RYR1: variants seen among roughly 807,000 people sequenced by gnomAD.
RYR1 encodes the protein central core disease of muscle.
Under a neutral mutation model 583.5 loss-of-function variants are expected in RYR1, and 342 were observed. That is an observed-to-expected ratio of 0.59 (90% confidence interval 0.54 to 0.64). The LOEUF is 0.64. Ranked by LOEUF, RYR1 falls within the 30% of genes least tolerant of loss-of-function variation. The pLI is 0.00. For synonymous variants in RYR1, 2,791 were observed against 2,822.5 expected, an observed-to-expected ratio of 0.99 and a Z score of 0.35; for missense variants, 6,032 against 6,917.2, an observed-to-expected ratio of 0.87 and a Z score of 4.54.
intron 11 of RYR1, among the ~76,000 whole-genome samples, chr19:38,449,656 GC>G (rs1217356496): frequency 6.6e-6 from 1 of 152,180 alleles, no homozygotes; most frequent in African/African-American, 2.4e-5. Context: ...TGAACAAACT[GC>G]CTTTAGTGAA....
intron 60 of RYR1, among the ~76,000 whole-genome samples, chr19:38,511,293 C>T (rs1236470612): frequency 6.6e-6 from 1 of 151,964 alleles, no homozygotes; most frequent in Non-Finnish European, 1.5e-5. Flanking sequence ...AAGACCCTGT[C>T]TAAAAAAAAT....
chr19:38,492,507 G>C lies in RYR1; in HGVS notation c.6145G>C (p.Glu2049Gln), dbSNP rs773827717. ...ACTTCCAGGAATTCAGCTAGATGGA[G>C]AGGAGGAGGAACCAGAGGAAGAGAC... ...LAHCGIQLDGEEEEPEEETTL... is the reference protein window; with the variant it reads ...LAHCGIQLDGQEEEPEEETTL... The change falls in exon 38 of 106, where the codon GAG becomes CAG. Residue 2049 changes from glutamate to glutamine, a missense_variant. Transcript: ENST00000359596. 1 of 1,614,090 alleles carries C rather than the reference G, an allele frequency of 6.2e-7. No individual in the cohort carries two copies. The highest frequency in any genetic ancestry group is 1.1e-5 in the South Asian group (1 of 91,078).
intron 102 of RYR1, among the ~76,000 whole-genome samples, chr19:38,585,683 A>ATG (rs1274421113): frequency 6.6e-6 from 1 of 151,836 alleles, no homozygotes; most frequent in Admixed American, 6.6e-5. Context: ...GGGTTTCACC[A>ATG]TGTTGGCCAG....
chr19:38,584,303 C>A (rs1365338878), intron 101 of RYR1, among the ~76,000 whole-genome samples: 1 of 104,230 alleles, frequency 9.6e-6, no homozygotes, highest in Non-Finnish European at 2.0e-5. Context: ...GTGCCCCCCC[C>A]CACCCATCCC....
At position 38,580,311 on chromosome 19, in the gene RYR1, G is replaced by A; in HGVS notation, c.14512-59G>A. ...GAACCGGGGCCAGGACCCAGCATGG[G>A]CAGGGTGGGGGGAGGGCAAGCCCAG... On this transcript the variant is annotated intron_variant, in intron 100 of 105. Coordinates refer to ENST00000359596, the MANE Select transcript of RYR1 (RefSeq NM_000540.3). 3.2e-6 allele frequency: 5 copies of A among 1,542,624 alleles called. No individual in the cohort carries two copies. The South Asian group carries it at 5.6e-5, about 17-fold the overall frequency.
In RYR1 at chr19:38,502,517, G is replaced by C. The variant is rs1220636855; in HGVS notation, c.7625G>C (p.Ser2542Thr). 1 of 1,600,304 alleles carries C rather than the reference G, an allele frequency of 6.2e-7. No individual in the cohort carries two copies. The highest frequency in any genetic ancestry group is 1.1e-5 in the South Asian group (1 of 90,116). Residue 2542 changes from serine to threonine, a missense_variant, in exon 48 of 106, where the codon AGC (serine) becomes ACC (threonine). Ser to Thr is a moderately conservative substitution (Grantham distance 58, BLOSUM62 1). Coordinates refer to ENST00000359596, the MANE Select transcript of RYR1 (RefSeq NM_000540.3). ...CACCCTGCGCCCTAGGCCACTTTCA[G>C]CACCACCGAGATGGCGCTGGCGCTG... ...AAASLDTATF[S>T]TTEMALALNR...
At chr19:38,558,057 T>G (rs1303173627) in intron 89 of RYR1, among the ~76,000 whole-genome samples, 1 of 151,802 alleles carries the variant, frequency 6.6e-6, no homozygotes, top group Non-Finnish European at 1.5e-5. Context: ...GCCTGTAATC[T>G]CGATACTTTG....
rs140197877 is a variant in RYR1 at position 38,510,752 on chromosome 19, C to T, written c.9093C>T (p.Ala3031=). The T allele has an allele frequency of 5.7e-5, 92 of 1,614,084 alleles. No individual in the cohort carries two copies. The highest frequency in any genetic ancestry group is 4.9e-4 in the Middle Eastern group (3 of 6,084). ...AAGTGCTGGGCAGCGGTGGCCACGCCTCTAACAAGGAGAAGGAAATGATCA... is the reference window on the plus strand; with the variant it reads ...AAGTGCTGGGCAGCGGTGGCCACGCTTCTAACAAGGAGAAGGAAATGATCA... ...PAKVLGSGGH[A]SNKEKEMITS... is the part of the protein sequence containing the mutation. Residue 3031 remains alanine, a synonymous_variant, in exon 60 of 106, where the codon GCC becomes GCT. Transcript: ENST00000359596.
Position 38,519,291 on chromosome 19 carries a change from C to A in RYR1, c.10096C>A (p.Arg3366Ser), listed in dbSNP as rs561638083. 4.3e-6 allele frequency: 7 copies of A among 1,613,984 alleles called. No homozygotes were observed. The highest frequency in any genetic ancestry group is 5.9e-6 in the Non-Finnish European group (7 of 1,180,006). Residue 3366 changes from arginine (R) to serine (S), a missense_variant, in exon 67 of 106, where the codon CGC becomes AGC. This residue lies in a region of RYR1 where 1,493 missense variants were observed against 1,715.5 expected (regional missense o/e 0.87). Coordinates refer to ENST00000359596, the MANE Select transcript of RYR1 (RefSeq NM_000540.3). ...CTTCATCCCAACTATCGGGCGGCTG[C>A]GCAAGAGGGCAGGGAAGGTGGTGTC... Reference protein sequence around the residue: ...SHFIPTIGRLRKRAGKVVSEE... With the variant: ...SHFIPTIGRLSKRAGKVVSEE...
rs1219842381 is a variant in RYR1, at chr19:38,536,062, A to G, written c.11582A>G (p.Asp3861Gly). ...KAEGLGMVNEDGTVINRQNGE... is the reference protein window; with the variant it reads ...KAEGLGMVNEGGTVINRQNGE... ...GAGGGGCTGGGCATGGTGAATGAGG[A>G]TGGCACTGGTGAGGCCCTCCCTTGG... Residue 3861 changes from aspartate to glycine, a missense_variant, in exon 82 of 106, where the codon GAT becomes GGT. Physicochemically the swap from Asp to Gly is moderately conservative, Grantham distance 94 (BLOSUM62 -1). Coordinates refer to ENST00000359596, the MANE Select transcript of RYR1 (RefSeq NM_000540.3). 4.3e-6 allele frequency: 7 copies of G among 1,612,930 alleles called. No homozygotes were observed. The highest frequency in any genetic ancestry group is 5.9e-6 in the Non-Finnish European group (7 of 1,179,912).
In RYR1 at chr19:38,512,537, A is replaced by G. The variant is rs1346439350; in HGVS notation, c.9472+54A>G. 1.3e-6 allele frequency: 2 copies of G among 1,527,898 alleles called. No individual in the cohort carries two copies. The highest frequency in any genetic ancestry group is 2.7e-5 in the African/African-American group (2 of 73,362). 94.6% of individuals were successfully genotyped at this position (1,527,898 alleles called of 1,614,324 possible). A position where few individuals can be genotyped will look rare whatever the true frequency, so the allele number is the denominator to read the frequency against. On this transcript the variant is annotated intron_variant, in intron 63 of 105. Coordinates refer to ENST00000359596, the MANE Select transcript of RYR1 (RefSeq NM_000540.3). The surrounding 1 kb of genome is among the most constrained non-coding windows in gnomAD (Gnocchi z 5.1). ...GCGGGGAGTCAGTGTGGCCAACACC[A>G]CCCATCCGGGTGCCTGTGAGAGTCC...
chr19:38,520,693 C>CAAAAAAAAAAAAAAAAAAAAAAAAAAAA (rs71165555), intron 67 of RYR1, among the ~76,000 whole-genome samples: 12 of 46,902 alleles, frequency 2.6e-4, no homozygotes, highest in Admixed American at 2.9e-4. Flanking sequence ...GGCTCCACCT[C>CAAAAAAAAAAAAAAAAAAAAAAAAAAAA]AAAAAAAAAA....
chr19:38,548,304 A>T lies in RYR1; in HGVS notation c.12166A>T (p.Met4056Leu), dbSNP rs1972519459. The T allele has an allele frequency of 1.2e-6, 2 of 1,614,192 alleles. No individual in the cohort carries two copies. Among genetic ancestry groups the T allele is most frequent in the East Asian group, 4.5e-5 (2 of 44,878 alleles). Residue 4056 changes from methionine (M) to leucine (L), a missense_variant, in exon 89 of 106, where the codon ATG (methionine) becomes TTG (leucine). By Grantham distance (15) the Met-to-Leu change is conservative (BLOSUM62 2). Transcript: ENST00000359596. ...CGTGGAATCCTCATCCAATGTGGAG[A>T]TGATCCTCAAGTTCTTCGACATGTT... ...MLVESSSNVE[M>L]ILKFFDMFLK... is the part of the protein sequence containing the mutation.
At chr19:38,506,421 G>C in intron 55 of RYR1, 44 bp downstream of exon 55, 2 of 1,613,646 alleles carry the variant, frequency 1.2e-6, no homozygotes, top group East Asian at 2.2e-5. Context: ...GTGTCTTTGG[G>C]GGGGCTGGCA....
intron 81 of RYR1, 73 bp downstream of exon 81, chr19:38,535,465 CA>C: frequency 8.9e-7 from 1 of 1,127,816 alleles, no homozygotes; most frequent in Non-Finnish European, 1.4e-6. Flanking sequence ...GTACCATTTC[CA>C]GTTCTGATTC....
intron 83 of RYR1, chr19:38,537,087 C>A (rs1842037618): frequency 4.1e-6 from 2 of 489,462 alleles, no homozygotes; most frequent in Non-Finnish European, 7.4e-6. Flanking sequence ...GACTTCCAGA[C>A]CCAGATTCGC....
At chr19:38,504,106 C>A in intron 49 of RYR1, 114 bp from the exon 50 acceptor site, 2 of 1,136,908 alleles carry the variant, frequency 1.8e-6, no homozygotes, top group Non-Finnish European at 2.5e-6. Flanking sequence ...GCATAACCCA[C>A]ACCTCCTTCA....
chr19:38,571,177 A>G (rs2145866761), intron 94 of RYR1, among the ~76,000 whole-genome samples: 1 of 152,326 alleles, frequency 6.6e-6, no homozygotes, highest in African/African-American at 2.4e-5. Context: ...ATAACAGGAC[A>G]GTAAGGTAGA....
In RYR1 at chr19:38,512,047, C is replaced by T. The variant is rs557169307; in HGVS notation, c.9173-25C>T. On this transcript the variant is annotated intron_variant, in intron 61 of 105. Transcript: ENST00000359596. This position sits in a 1 kb window ranked among gnomAD's most constrained non-coding sequence, Gnocchi z 5.1. The stretch of plus-strand genomic sequence containing the variant: ...CCTCTGTCCTCTTAGCCATGGCATC[C>T]CCCCGGCCCATCTTCCTCTCCCAGG... 119 of 1,611,650 alleles carry T rather than the reference C, an allele frequency of 7.4e-5. 2 individuals carry two copies. In the South Asian group the frequency reaches 1.1e-3, roughly 14 times the overall value.
Sources: allele counts gnomAD v4.1 joint callset (sites outside exome capture counted in the v4.1 genomes callset), GRCh38; gene constraint gnomAD v4.1.1; regional missense constraint gnomAD v4.1.1; non-coding constraint Gnocchi (gnomAD v3.1); transcripts MANE v1.5; gene names NCBI Gene and HGNC (gene_info 2026-07-23, HGNC 2026-07-21).